RHEB: variants seen among roughly 807,000 people sequenced by gnomAD.
The protein encoded by RHEB is GTP-binding protein Rheb.
A neutral mutation model predicts 28.8 loss-of-function variants in RHEB; 2 were observed. The observed-to-expected ratio is 0.07, with a 90% CI of 0.03 to 0.22. The LOEUF is 0.22. Among genes scored for constraint, RHEB ranks in the 10% least tolerant of loss-of-function variants. The pLI, the probability that RHEB is intolerant of heterozygous loss-of-function variation, is 1.00. For missense variants in RHEB, 76 were observed against 219.9 expected, an observed-to-expected ratio of 0.35 and a Z score of 4.14; for synonymous variants, 69 against 77.3, an observed-to-expected ratio of 0.89 and a Z score of 0.56.
chr7:151,488,009 T>C (rs6959096), intron 2 of RHEB, among the ~76,000 whole-genome samples: 9,548 of 152,302 alleles, frequency 0.063, 414 homozygotes, highest in African/African-American at 0.099. Flanking sequence ...TTGAGAATGC[T>C]GCAACACCTA....
chr7:151,467,940 A>G (rs566662792), intron 7 of RHEB, among the ~76,000 whole-genome samples: 32 of 152,018 alleles, frequency 2.1e-4, no homozygotes, highest in African/African-American at 6.8e-4. Context: ...GGAGGTTTCT[A>G]TGTTGCCCAG....
chr7:151,484,880 C>T (rs1802440396), intron 2 of RHEB, 76 bp from the exon 3 acceptor site: 1 of 964,546 alleles, frequency 1.0e-6, no homozygotes, highest in Non-Finnish European at 1.6e-6. Context: ...ACAATGACAA[C>T]CAATCAAGCA....
chr7:151,503,540 T>A (rs1584864507), intron 1 of RHEB: 1 of 639,268 alleles, frequency 1.6e-6, no homozygotes, highest in East Asian at 3.0e-5. Flanking sequence ...TTCTAACAGA[T>A]CCCTGCCTTA....
chr7:151,504,812 C>T (rs1802837619), intron 1 of RHEB, among the ~76,000 whole-genome samples: 1 of 151,862 alleles, frequency 6.6e-6, no homozygotes, highest in Non-Finnish European at 1.5e-5. Flanking sequence ...TGTTCTACAG[C>T]CTGATTCTGG....
intron 2 of RHEB, among the ~76,000 whole-genome samples, chr7:151,486,619 T>A (rs1388075936): frequency 1.3e-5 from 2 of 152,166 alleles, no homozygotes; most frequent in Non-Finnish European, 2.9e-5. Flanking sequence ...GAACTTGGGA[T>A]TTTTACTCTG....
chr7:151,484,892 A>C (rs923291666), intron 2 of RHEB, 88 bp from the exon 3 acceptor site: 1 of 833,382 alleles, frequency 1.2e-6, no homozygotes, highest in African/African-American at 1.7e-5. Context: ...AATCAAGCAC[A>C]GAGTCCCTAG....
chr7:151,476,903 G>A (rs1802281863), intron 4 of RHEB, among the ~76,000 whole-genome samples: 1 of 152,198 alleles, frequency 6.6e-6, no homozygotes, highest in South Asian at 2.1e-4. Context: ...TTGTTTTTAT[G>A]TAGTAAAGTC....
intron 1 of RHEB, chr7:151,498,009 G>T: frequency 1.4e-6 from 1 of 733,338 alleles, no homozygotes; most frequent in Non-Finnish European, 2.1e-6. Context: ...TGCAGTAGTT[G>T]GGTGCCACAC....
chr7:151,513,546 G>A (rs1312655874), intron 1 of RHEB, among the ~76,000 whole-genome samples: 2 of 152,310 alleles, frequency 1.3e-5, no homozygotes, highest in African/African-American at 2.4e-5. Flanking sequence ...GAAGATCTGC[G>A]TAACGATGAA....
chr7:151,508,793 T>C (rs926202837), intron 1 of RHEB, among the ~76,000 whole-genome samples: 1 of 152,022 alleles, frequency 6.6e-6, no homozygotes, highest in African/African-American at 2.4e-5. Flanking sequence ...CCAGGCCAGA[T>C]TGTTTCCATT....
chr7:151,490,913 A>G, intron 2 of RHEB, 30 bp downstream of exon 2: 1 of 1,517,010 alleles, frequency 6.6e-7, no homozygotes, highest in South Asian at 1.1e-5. Flanking sequence ...AAGGCTTCTC[A>G]GTTTTTAAGT....
intron 1 of RHEB, among the ~76,000 whole-genome samples, chr7:151,491,720 G>C (rs1018001542): frequency 4.5e-4 from 66 of 146,136 alleles, no homozygotes; most frequent in African/African-American, 1.6e-3. Context: ...CTGGGCGACA[G>C]AGCAAGACCC....
intron 1 of RHEB, chr7:151,502,350 T>G (rs553223963): frequency 2.2e-4 from 181 of 834,326 alleles, no homozygotes; most frequent in Admixed American, 3.7e-4. Context: ...TCAGATGAGT[T>G]TGGAACTGCA....
At chr7:151,470,053 A>G (rs1340171521) in intron 7 of RHEB, among the ~76,000 whole-genome samples, 1 of 152,240 alleles carries the variant, frequency 6.6e-6, no homozygotes, top group Non-Finnish European at 1.5e-5. Context: ...CGGAGGCAGA[A>G]TCTACATCCT....
intron 1 of RHEB, among the ~76,000 whole-genome samples, chr7:151,493,044 C>T (rs993331239): frequency 2.6e-4 from 39 of 151,860 alleles, no homozygotes; most frequent in Admixed American, 6.6e-5. Context: ...GGTTTCACCA[C>T]ATTGGTCAGG....
chr7:151,494,610 T>G (rs564134130), intron 1 of RHEB, among the ~76,000 whole-genome samples: 1 of 152,222 alleles, frequency 6.6e-6, no homozygotes, highest in East Asian at 1.9e-4. Context: ...GTTGTTTTCA[T>G]GAATAGTAAA....
chr7:151,501,955 G>C, intron 1 of RHEB: 1 of 677,652 alleles, frequency 1.5e-6, no homozygotes, highest in Non-Finnish European at 2.7e-6. Context: ...GCTTGGAGGC[G>C]GGCTGGGCGC....
chr7:151,496,161 G>A (rs1362078537), intron 1 of RHEB, among the ~76,000 whole-genome samples: 1 of 152,176 alleles, frequency 6.6e-6, no homozygotes, highest in Non-Finnish European at 1.5e-5. Context: ...AAGGGGCTTT[G>A]ATGACCATGG....
chr7:151,499,977 T>G (rs1222515802), intron 1 of RHEB, among the ~76,000 whole-genome samples: 1 of 152,026 alleles, frequency 6.6e-6, no homozygotes, highest in East Asian at 1.9e-4. Flanking sequence ...CCCAGTGAGT[T>G]TTTTTTGTAG....
Sources: allele counts gnomAD v4.1 joint callset (sites outside exome capture counted in the v4.1 genomes callset), GRCh38; gene constraint gnomAD v4.1.1; transcripts MANE v1.5; gene names NCBI Gene and HGNC (gene_info 2026-07-23, HGNC 2026-07-21).